The following EIF3L variants were observed in gnomAD, a reference collection of about 807,000 sequenced individuals.
EIF3L encodes the protein eIEF associated protein HSPC021.
EIF3L carries 32 observed loss-of-function variants against 74.6 expected under a neutral mutation model. The observed-to-expected ratio is 0.43, with a 90% CI of 0.32 to 0.58. EIF3L has a LOEUF of 0.58. EIF3L is among the 20% of genes least tolerant of loss of function. The probability of loss-of-function intolerance (pLI) is 0.06; values close to 1 mark genes in which losing one functional copy is unlikely to be tolerated. For synonymous variants in EIF3L, 256 were observed against 254.4 expected (o/e 1.01, Z -0.06); for missense variants, 474 against 707.8 (o/e 0.67, Z 3.75).
intron 7 of EIF3L, among the ~76,000 whole-genome samples, chr22:37,869,599 G>A (rs1318507035): frequency 6.6e-6 from 1 of 152,154 alleles, no homozygotes; most frequent in East Asian, 1.9e-4. Flanking sequence ...GTGCTTCCAG[G>A]TTCTACTTCT....
chr22:37,859,734 C>T (rs191568168), intron 5 of EIF3L, among the ~76,000 whole-genome samples: 22 of 151,046 alleles, frequency 1.5e-4, no homozygotes, highest in Non-Finnish European at 2.7e-4. Flanking sequence ...AGGCTGGGCG[C>T]GGTGGCTCAC....
intron 5 of EIF3L, among the ~76,000 whole-genome samples, chr22:37,860,079 C>T (rs1298506221): frequency 6.6e-6 from 1 of 152,158 alleles, no homozygotes; most frequent in Non-Finnish European, 1.5e-5. Context: ...TATCTTTAGC[C>T]TCAGTTGCCC....
At chr22:37,878,711 C>G (rs1372909118) in intron 11 of EIF3L, 1 of 153,082 alleles carries the variant, frequency 6.5e-6, no homozygotes, top group African/African-American at 2.4e-5. Context: ...GATCAGCCAG[C>G]CTTGGCCTCC....
chr22:37,869,294 A>G (rs1926349160), intron 7 of EIF3L, among the ~76,000 whole-genome samples: 1 of 151,802 alleles, frequency 6.6e-6, no homozygotes, highest in Non-Finnish European at 1.5e-5. Context: ...ATTCCTGGCT[A>G]ATTCGTTTGT....
At chr22:37,879,766 C>T (rs1240136173) in intron 11 of EIF3L, 5 of 151,156 alleles carry the variant, frequency 3.3e-5, no homozygotes, top group African/African-American at 9.7e-5. Context: ...TCACACCTCA[C>T]ATAACCCTCA....
intron 7 of EIF3L, among the ~76,000 whole-genome samples, chr22:37,868,464 T>C (rs199587110): frequency 5.4e-5 from 8 of 148,794 alleles, no homozygotes; most frequent in Non-Finnish European, 8.9e-5. Flanking sequence ...TCTTTTTTTT[T>C]CCCCCCTAAG....
intron 11 of EIF3L, 78 bp downstream of exon 11, chr22:37,878,249 A>G (rs961940459): frequency 6.0e-6 from 9 of 1,495,818 alleles, no homozygotes; most frequent in Non-Finnish European, 8.0e-6. Flanking sequence ...CACATGAAGT[A>G]TATCGGGGAA....
chr22:37,875,391 GAATT>G (rs1309981599), intron 9 of EIF3L, among the ~76,000 whole-genome samples: 1 of 151,136 alleles, frequency 6.6e-6, no homozygotes, highest in African/African-American at 2.4e-5. Context: ...AAAAAAAAAA[GAATT>G]AAGTAAAGAT....
chr22:37,866,457 G>GT (rs138303784), intron 7 of EIF3L, among the ~76,000 whole-genome samples: 1 of 152,116 alleles, frequency 6.6e-6, no homozygotes, highest in East Asian at 1.9e-4. Flanking sequence ...TGCTTTTTAA[G>GT]TTTTTTTAAA....
intron 3 of EIF3L, among the ~76,000 whole-genome samples, chr22:37,854,330 C>A (rs1229848331): frequency 6.6e-6 from 1 of 152,116 alleles, no homozygotes; most frequent in Non-Finnish European, 1.5e-5. Flanking sequence ...GCCTTGATAA[C>A]CTTAGCAAGG....
intron 2 of EIF3L, 123 bp downstream of exon 2, chr22:37,850,186 T>G: frequency 9.9e-7 from 1 of 1,009,012 alleles, no homozygotes; most frequent in Non-Finnish European, 1.5e-6. Flanking sequence ...AGTCAGTCAT[T>G]AGCTGCCAGT....
At chr22:37,877,610 G>A (rs900207250) in intron 10 of EIF3L, 64 bp from the exon 11 acceptor site, 2 of 1,523,884 alleles carry the variant, frequency 1.3e-6, no homozygotes, top group African/African-American at 2.8e-5. Context: ...GAGGCCAGTT[G>A]GCAGTGGGGA....
chr22:37,849,782 G>T, intron 1 of EIF3L: 1 of 607,608 alleles, frequency 1.6e-6, no homozygotes, highest in Non-Finnish European at 2.9e-6. Context: ...GTCAAATCTC[G>T]CTGATTCCCA....
intron 11 of EIF3L, chr22:37,879,407 A>G (rs1466426178): frequency 2.6e-5 from 4 of 152,394 alleles, no homozygotes; most frequent in African/African-American, 9.7e-5. Flanking sequence ...AGGCAGGAGA[A>G]TCACTTGAAC....
At chr22:37,858,382 G>A (rs931644971) in intron 4 of EIF3L, among the ~76,000 whole-genome samples, 1 of 151,720 alleles carries the variant, frequency 6.6e-6, no homozygotes, top group South Asian at 2.1e-4. Flanking sequence ...GCACCACCAC[G>A]CTTGTCTAAT....
At chr22:37,853,722 T>C (rs1925350624) in intron 3 of EIF3L, among the ~76,000 whole-genome samples, 1 of 152,242 alleles carries the variant, frequency 6.6e-6, no homozygotes, top group Non-Finnish European at 1.5e-5. Context: ...ATGTAATCAG[T>C]ATTTAAAAAT....
rs1926826202 is a variant in EIF3L, at chr22:37,877,721, C to CA, written c.1126dup (p.Thr376AsnfsTer8). The CA allele has an allele frequency of 6.2e-7, 1 of 1,612,900 alleles. No individual in the cohort carries two copies. ...TGCATGCGCTGCTGGCCATTGCCCT[C>CA]ACGATGTACCCCATGCGTATTGATG... is the stretch of plus-strand genomic sequence containing the variant. On this transcript the variant is annotated frameshift_variant, in exon 11 of 13. Transcript: ENST00000652021. LOFTEE classifies it high-confidence loss of function.
intron 7 of EIF3L, among the ~76,000 whole-genome samples, chr22:37,864,303 A>C (rs1926027549): frequency 6.6e-6 from 1 of 152,110 alleles, no homozygotes; most frequent in Non-Finnish European, 1.5e-5. Flanking sequence ...GAGCCTCTTG[A>C]CTTGGCCTCC....
intron 10 of EIF3L, 155 bp from the exon 11 acceptor site, chr22:37,877,519 G>A (rs1926814301): frequency 2.3e-6 from 2 of 859,434 alleles, no homozygotes; most frequent in South Asian, 1.8e-5. Context: ...GATCTAGAGG[G>A]AGGATTGGAA....
Sources: gnomAD v4.1 joint callset for allele counts (sites outside exome capture counted in the v4.1 genomes callset) on GRCh38, gnomAD v4.1.1 for gene constraint, MANE v1.5 for transcripts, NCBI Gene and HGNC (gene_info 2026-07-23, HGNC 2026-07-21) for gene names.